Variants in BCAS3 observed in about 807,000 individuals in gnomAD.
BCAS3 encodes BCAS4/BCAS3 fusion.
A neutral mutation model predicts 116.1 loss-of-function variants in BCAS3; 53 were observed. The observed-to-expected ratio is 0.46, with a 90% CI of 0.37 to 0.57. The LOEUF (loss-of-function observed/expected upper bound fraction) is 0.57. Ranked by LOEUF, BCAS3 falls within the 20% of genes least tolerant of loss-of-function variation. The pLI, the probability that BCAS3 is intolerant of heterozygous loss-of-function variation, is 0.00. For synonymous variants in BCAS3, 391 were observed against 408.2 expected (o/e 0.96, Z 0.51); for missense variants, 917 against 1,165.4 (o/e 0.79, Z 3.10).
intron 8 of BCAS3, among the ~76,000 whole-genome samples, chr17:60,869,146 G>A (rs1404960787): frequency 6.6e-6 from 1 of 152,110 alleles, no homozygotes; most frequent in Non-Finnish European, 1.5e-5. Flanking sequence ...CTTCACAGTG[G>A]AGCTAAAATA....
rs1207895873 is a variant in BCAS3 at position 61,126,148 on chromosome 17, C to T, written c.2425+41584C>T. Among the ~76,000 whole-genome samples the T allele has an allele frequency of 6.6e-6, 1 of 152,172 alleles. No individual in the cohort carries two copies. Among genetic ancestry groups the T allele is most frequent in the Non-Finnish European group, 1.5e-5 (1 of 68,028 alleles). ...CTTAAAACTAATGTTTCTATAACCT[C>T]TGACCGAATACAGAAGATCCAAAAT... On this transcript the variant is annotated intron_variant, in intron 22 of 23. Transcript: ENST00000407086. The surrounding 1 kb of genome is among the most constrained non-coding windows in gnomAD (Gnocchi z 4.6).
At chr17:61,182,537 C>T (rs1294691684) in intron 22 of BCAS3, among the ~76,000 whole-genome samples, 1 of 152,124 alleles carries the variant, frequency 6.6e-6, no homozygotes, top group Non-Finnish European at 1.5e-5. Flanking sequence ...ACATACAATA[C>T]AATTCATCCA....
chr17:61,170,248 C>T (rs2078758999), intron 22 of BCAS3, among the ~76,000 whole-genome samples: 1 of 151,402 alleles, frequency 6.6e-6, no homozygotes, highest in Non-Finnish European at 1.5e-5. Context: ...CTGCTTGAAA[C>T]AAACTGAACA....
At chr17:61,015,138 G>A (rs758366126) in intron 15 of BCAS3, among the ~76,000 whole-genome samples, 3 of 152,178 alleles carry the variant, frequency 2.0e-5, no homozygotes, top group African/African-American at 7.2e-5. Flanking sequence ...CAAGGTATGG[G>A]GGAACTAGCA....
intron 6 of BCAS3, among the ~76,000 whole-genome samples, chr17:60,764,046 C>A (rs2043825859): frequency 6.6e-6 from 1 of 151,986 alleles, no homozygotes; most frequent in African/African-American, 2.4e-5. Context: ...GGTGAGATCC[C>A]CTTTATCATT....
chr17:61,284,169 G>A (rs578042082), intron 22 of BCAS3, among the ~76,000 whole-genome samples: 164 of 152,264 alleles, frequency 1.1e-3, no homozygotes, highest in Non-Finnish European at 7.2e-4. Context: ...TCTGTAAAAT[G>A]GACCAATCAG....
chr17:61,154,241 T>C (rs1027366549), intron 22 of BCAS3, among the ~76,000 whole-genome samples: 13 of 152,166 alleles, frequency 8.5e-5, no homozygotes, highest in Non-Finnish European at 1.9e-4. Flanking sequence ...AGAAAACTCA[T>C]GTAATACAGC....
intron 7 of BCAS3, among the ~76,000 whole-genome samples, chr17:60,865,569 G>C (rs74882719): frequency 0.03 from 4,627 of 152,108 alleles, 181 homozygotes; most frequent in East Asian, 0.092. Context: ...GTTTCAAATT[G>C]TTCATTTCTA....
intron 4 of BCAS3, among the ~76,000 whole-genome samples, chr17:60,706,492 C>T (rs558841402): frequency 6.6e-6 from 1 of 152,246 alleles, no homozygotes; most frequent in East Asian, 1.9e-4. Context: ...AGTAAGCCTT[C>T]TGGCCAGCAG....
At chr17:60,819,811 T>C (rs2049765580) in intron 7 of BCAS3, among the ~76,000 whole-genome samples, 1 of 150,682 alleles carries the variant, frequency 6.6e-6, no homozygotes, top group African/African-American at 2.4e-5. Context: ...TAACCCAGAC[T>C]GAAGGCAATG....
rs1264438416 is a variant in BCAS3 at position 61,333,258 on chromosome 17, C to T, written c.2426-35069C>T. Among the ~76,000 whole-genome samples the T allele has an allele frequency of 1.3e-5, 2 of 152,194 alleles. No homozygotes were observed. Among genetic ancestry groups the T allele is most frequent in the African/African-American group, 4.8e-5 (2 of 41,452 alleles). ...CAGCTGGTCCCTCAGACCTTGCCAG[C>T]CACTTCTGCGGTGGTTGTCGGTCTT... On this transcript the variant is annotated intron_variant, in intron 22 of 23. Coordinates refer to ENST00000407086, the MANE Select transcript of BCAS3 (RefSeq NM_017679.5). This position sits in a 1 kb window ranked among gnomAD's most constrained non-coding sequence, Gnocchi z 4.8.
At chr17:61,382,063 C>T (rs1003321981) in intron 23 of BCAS3, among the ~76,000 whole-genome samples, 1 of 151,854 alleles carries the variant, frequency 6.6e-6, no homozygotes, top group Admixed American at 6.6e-5. Context: ...CGCGGTGGCT[C>T]ACGCTTATAA....
At chr17:60,823,793 G>A (rs1016956034) in intron 7 of BCAS3, among the ~76,000 whole-genome samples, 13 of 152,190 alleles carry the variant, frequency 8.5e-5, no homozygotes, top group Non-Finnish European at 4.4e-5. Flanking sequence ...GTCAAACTGT[G>A]AGAGAAGGCA....
intron 22 of BCAS3, among the ~76,000 whole-genome samples, chr17:61,221,937 G>A (rs547407836): frequency 6.6e-5 from 10 of 152,266 alleles, no homozygotes; most frequent in East Asian, 1.9e-4. Context: ...TCTAACTTAC[G>A]TCATAAGTTT....
At position 61,391,695 on chromosome 17, in the gene BCAS3, ATCG is replaced by A; in HGVS notation, c.2594-279_2594-277del. 2.3e-6 allele frequency: 1 copy of A among 434,620 alleles called. No homozygotes were observed. The allele number at this position is 434,620 out of a possible 1,614,324, so 26.9% of individuals were successfully genotyped here. A position where few individuals can be genotyped will look rare whatever the true frequency, so the allele number is the denominator to read the frequency against. ...ATGAAGAGCTGTGTAGTCCACACAC[ATCG>A]TCAGGGTGGCCGTGCTTCGGGCCTA... On this transcript the variant is annotated intron_variant, in intron 23 of 23. Coordinates refer to ENST00000407086, the MANE Select transcript of BCAS3 (RefSeq NM_017679.5). The surrounding 1 kb of genome is among the most constrained non-coding windows in gnomAD (Gnocchi z 7.7).
At chr17:61,165,349 T>G (rs1000230345) in intron 22 of BCAS3, among the ~76,000 whole-genome samples, 1 of 152,236 alleles carries the variant, frequency 6.6e-6, no homozygotes, top group African/African-American at 2.4e-5. Flanking sequence ...TTCAGTAGTA[T>G]TATGCACTCT....
At chr17:60,705,139 A>G (rs1250305763) in intron 4 of BCAS3, among the ~76,000 whole-genome samples, 4 of 152,206 alleles carry the variant, frequency 2.6e-5, no homozygotes, top group Non-Finnish European at 5.9e-5. Flanking sequence ...AAAGTCAGCA[A>G]GCTTGAAACA....
In BCAS3 at chr17:61,256,389, C is replaced by T. The variant is rs575558845; in HGVS notation, c.2426-111938C>T. 1.8e-4 allele frequency among the ~76,000 whole-genome samples: 28 copies of T among 152,246 alleles called. 1 individual carries two copies. The East Asian group carries it at 3.3e-3, about 18-fold the overall frequency. On this transcript the variant is annotated intron_variant, in intron 22 of 23. Coordinates refer to ENST00000407086, the MANE Select transcript of BCAS3 (RefSeq NM_017679.5). The surrounding 1 kb of genome is among the most constrained non-coding windows in gnomAD (Gnocchi z 5.6). ...TGTGATCAAGGCTCACTGCAACCTC[C>T]GCCTCTGGGGTTCAAGTGATTCTCC...
rs941783103 is a variant in BCAS3 at position 61,213,422 on chromosome 17, C to G, written c.2425+128858C>G. 6.6e-6 allele frequency among the ~76,000 whole-genome samples: 1 copy of G among 152,142 alleles called. No individual in the cohort carries two copies. The highest frequency in any genetic ancestry group is 2.4e-5 in the African/African-American group (1 of 41,448). On this transcript the variant is annotated intron_variant, in intron 22 of 23. Transcript: ENST00000407086. This position sits in a 1 kb window ranked among gnomAD's most constrained non-coding sequence, Gnocchi z 5.4. ...TGACCTCGTGATCCACCCGCCTCGA[C>G]TTCCCAAAGTGCTGGGATTACAGGT... is the stretch of plus-strand genomic sequence containing the variant.
Sources: allele counts gnomAD v4.1 joint callset (sites outside exome capture counted in the v4.1 genomes callset), GRCh38; gene constraint gnomAD v4.1.1; non-coding constraint Gnocchi (gnomAD v3.1); transcripts MANE v1.5; gene names NCBI Gene and HGNC (gene_info 2026-07-23, HGNC 2026-07-21).